Variants in PXN observed in about 807,000 individuals in gnomAD.
PXN encodes the protein testicular tissue protein Li 134.
Under a neutral mutation model 103.6 loss-of-function variants are expected in PXN, and 61 were observed. That is an observed-to-expected ratio of 0.59 (90% CI 0.48 to 0.73). The LOEUF (loss-of-function observed/expected upper bound fraction) is 0.73. PXN is among the 30% of genes least tolerant of loss of function. PXN has a pLI of 0.00. For missense variants in PXN, 1,274 were observed against 1,460.3 expected (o/e 0.87, Z 2.08); for synonymous variants, 562 against 607.8 (o/e 0.92, Z 1.11).
chr12:120,241,910 G>C (rs1890216501), intron 1 of PXN, among the ~76,000 whole-genome samples: 1 of 152,340 alleles, frequency 6.6e-6, no homozygotes, highest in Non-Finnish European at 1.5e-5. Flanking sequence ...GGAAGAGCAA[G>C]AGTTGCAATA....
At chr12:120,234,132 C>T (rs1364715513) in intron 1 of PXN, among the ~76,000 whole-genome samples, 2 of 152,096 alleles carry the variant, frequency 1.3e-5, no homozygotes, top group Non-Finnish European at 2.9e-5. Flanking sequence ...TGCATGGTGG[C>T]TTATGCTTGT....
rs1236675093 is a variant in PXN, at chr12:120,215,250, C to T, written c.2427G>A (p.Gly809=). The change falls in exon 11 of 15, where the codon GGG becomes GGA. Residue 809 remains glycine, a synonymous_variant. Transcript: ENST00000637617. This position sits in a 1 kb window ranked among gnomAD's most constrained non-coding sequence, Gnocchi z 4.9. ...GGGGCCCCCCAGGGGGTGAGCTGCTCCCTGTCTTCCCCTGGGCCATGAACT... is the reference window on the plus strand; with the variant it reads ...GGGGCCCCCCAGGGGGTGAGCTGCTTCCTGTCTTCCCCTGGGCCATGAACT... The part of the protein sequence containing the change: ...EGGFMAQGKT[G]SSSPPGGPPK... 19 of 1,586,348 alleles carry T rather than the reference C, an allele frequency of 1.2e-5. No homozygotes were observed. Among genetic ancestry groups the T allele is most frequent in the Non-Finnish European group, 1.5e-5 (17 of 1,167,442 alleles).
At chr12:120,218,523 G>A (rs1180701882) in intron 7 of PXN, among the ~76,000 whole-genome samples, 2 of 152,034 alleles carry the variant, frequency 1.3e-5, no homozygotes, top group African/African-American at 4.8e-5. Flanking sequence ...ACAGGCATGC[G>A]CCACCATGCC....
intron 1 of PXN, chr12:120,264,284 T>A (rs2136756821): frequency 6.6e-6 from 1 of 152,430 alleles, no homozygotes; most frequent in African/African-American, 2.4e-5. Context: ...TAGAGGTCCA[T>A]CAGTCCTGTC....
chr12:120,214,993 C>T lies in PXN; in HGVS notation c.2580G>A (p.Val860=), dbSNP rs1423301903. The T allele has an allele frequency of 6.2e-7, 1 of 1,613,256 alleles. No individual in the cohort carries two copies. Among genetic ancestry groups the T allele is most frequent in the South Asian group, 1.1e-5 (1 of 90,966 alleles). The change falls in exon 12 of 15, where the codon GTG becomes GTA. Residue 860 remains valine (V), a synonymous_variant. Coordinates refer to ENST00000637617, the MANE Select transcript of PXN (RefSeq NM_001385981.1). The surrounding 1 kb of genome is among the most constrained non-coding windows in gnomAD (Gnocchi z 5.0). The part of the protein sequence containing the change: ...ACKKPIAGQV[V]TAMGKTWHPE... ...GGTGCCACGTCTTCCCCATGGCGGT[C>T]ACAACCTGAGGAGGAGATGGAATGC...
In PXN at chr12:120,219,298, G is replaced by T; in HGVS notation, c.1625C>A (p.Ala542Asp). 1 of 1,598,448 alleles carries T rather than the reference G, an allele frequency of 6.3e-7. No individual in the cohort carries two copies. Among genetic ancestry groups the T allele is most frequent in the Non-Finnish European group, 8.5e-7 (1 of 1,179,802 alleles). Residue 542 changes from alanine to aspartate, a missense_variant, in exon 7 of 15, where the codon GCC becomes GAC. Ala to Asp is a moderately radical substitution (Grantham distance 126, BLOSUM62 -2). This residue lies in a region of PXN where 1,178 missense variants were observed against 1,309.0 expected (regional missense o/e 0.90). Coordinates refer to ENST00000637617, the MANE Select transcript of PXN (RefSeq NM_001385981.1). The surrounding 1 kb of genome is among the most constrained non-coding windows in gnomAD (Gnocchi z 6.5). ...PRSPEGTTEAATQDGKEQPEL... is the reference protein window; with the variant it reads ...PRSPEGTTEADTQDGKEQPEL... ...TGGCTGTTCCTTCCCGTCCTGGGTG[G>T]CAGCTTCCGTGGTGCCCTCTGGGCT... is the stretch of plus-strand genomic sequence containing the variant.
chr12:120,215,965 A>G lies in PXN; in HGVS notation c.2302-304T>C, dbSNP rs781141672. On this transcript the variant is annotated intron_variant, in intron 9 of 14. Coordinates refer to ENST00000637617, the MANE Select transcript of PXN (RefSeq NM_001385981.1). This position sits in a 1 kb window ranked among gnomAD's most constrained non-coding sequence, Gnocchi z 4.9. ...GCCTGGGGGCTGGAAGGGAGGAGACAGGTTTCTGGTCTCCCTTCTGGAGTG... is the reference window on the plus strand; with the variant it reads ...GCCTGGGGGCTGGAAGGGAGGAGACGGGTTTCTGGTCTCCCTTCTGGAGTG... 6.5e-6 allele frequency: 9 copies of G among 1,379,036 alleles called. No individual in the cohort carries two copies. The highest frequency in any genetic ancestry group is 8.4e-6 in the Non-Finnish European group (9 of 1,067,030). The allele number at this position is 1,379,036 out of a possible 1,614,324, so 85.4% of individuals were successfully genotyped here.
At chr12:120,258,586 G>T (rs1200283876) in intron 1 of PXN, among the ~76,000 whole-genome samples, 3 of 152,124 alleles carry the variant, frequency 2.0e-5, no homozygotes, top group Non-Finnish European at 4.4e-5. Flanking sequence ...GAAAAGCAGG[G>T]TTTCCTTACT....
chr12:120,245,787 C>CA (rs1267541953), intron 1 of PXN, among the ~76,000 whole-genome samples: 2,092 of 44,164 alleles, frequency 0.047, 61 homozygotes, highest in Non-Finnish European at 0.061. Context: ...GACTCCATCT[C>CA]AAAAAAAAAA....
intron 1 of PXN, chr12:120,226,559 C>G (rs2136366383): frequency 8.2e-7 from 1 of 1,213,256 alleles, no homozygotes; most frequent in Non-Finnish European, 1.1e-6. Context: ...CCACCAAACA[C>G]CCGCTCCACC....
At chr12:120,263,121 G>C (rs1051538727) in intron 1 of PXN, among the ~76,000 whole-genome samples, 1 of 152,126 alleles carries the variant, frequency 6.6e-6, no homozygotes, top group East Asian at 1.9e-4. Flanking sequence ...ACACGGCTGA[G>C]AGCACGCTCA....
At chr12:120,235,233 G>A (rs1458777303) in intron 1 of PXN, among the ~76,000 whole-genome samples, 1 of 152,134 alleles carries the variant, frequency 6.6e-6, no homozygotes, top group African/African-American at 2.4e-5. Flanking sequence ...GAGGAACCCA[G>A]GAGAGAGCAG....
Position 120,263,152 on chromosome 12 carries a change from G to A in PXN, c.13+2465C>T, listed in dbSNP as rs1339162904. ...GCTCAGGAGAAAAATAAAAACAAGA[G>A]GTCTGGGCTTTGTGTCCACCCTAAG... On this transcript the variant is annotated intron_variant, in intron 1 of 14. Coordinates refer to ENST00000637617, the MANE Select transcript of PXN (RefSeq NM_001385981.1). Among the ~76,000 whole-genome samples the A allele has an allele frequency of 5.3e-5, 8 of 151,656 alleles. 1 individual carries two copies. The highest frequency in any genetic ancestry group is 5.2e-4 in the Admixed American group (8 of 15,256).
intron 1 of PXN, among the ~76,000 whole-genome samples, chr12:120,235,229 C>G (rs1888804451): frequency 6.6e-6 from 1 of 152,048 alleles, no homozygotes; most frequent in South Asian, 2.1e-4. Context: ...CCCAGAGGAA[C>G]CCAGGAGAGA....
chr12:120,259,118 G>C (rs936748923), intron 1 of PXN, among the ~76,000 whole-genome samples: 1 of 151,382 alleles, frequency 6.6e-6, no homozygotes, highest in African/African-American at 2.4e-5. Context: ...GAGGCCAGGT[G>C]GGGTAGCTCA....
At chr12:120,254,010 G>GGCTGA (rs1892614335) in intron 1 of PXN, among the ~76,000 whole-genome samples, 1 of 152,000 alleles carries the variant, frequency 6.6e-6, no homozygotes, top group South Asian at 2.1e-4. Flanking sequence ...GCTCCCAAGT[G>GGCTGA]GCTGAGACTA....
In PXN at chr12:120,214,237, G is replaced by C; in HGVS notation, c.2749-20C>G. 1 of 1,546,570 alleles carries C rather than the reference G, an allele frequency of 6.5e-7. No individual in the cohort carries two copies. The highest frequency in any genetic ancestry group is 2.4e-5 in the East Asian group (1 of 40,882). On this transcript the variant is annotated intron_variant, in intron 12 of 14. Coordinates refer to ENST00000637617, the MANE Select transcript of PXN (RefSeq NM_001385981.1). This position sits in a 1 kb window ranked among gnomAD's most constrained non-coding sequence, Gnocchi z 5.0. ...CACTTTCTGTGAAAGCAAAATGTGGGATCAAGGCTGAGCTCTGGGCAGATC... is the reference window on the plus strand; with the variant it reads ...CACTTTCTGTGAAAGCAAAATGTGGCATCAAGGCTGAGCTCTGGGCAGATC...
chr12:120,216,944 G>A lies in PXN; in HGVS notation c.1889C>T (p.Pro630Leu), dbSNP rs944045482. ...RLGIQPEAEE[P>L]AEAAGPSAQD... The stretch of plus-strand genomic sequence containing the variant: ...GGCAGAGGGCCCCGCCGCCTCCGCC[G>A]GCTCCTCTGCCTCAGGCTGGATGCC... Residue 630 changes from proline to leucine, a missense_variant, in exon 8 of 15, where the codon CCG becomes CTG. Around this residue, in one of 2 missense-constraint regions of PXN, gnomAD observed 1,178 missense variants for 1,309.0 expected, o/e 0.90. Transcript: ENST00000637617. The surrounding 1 kb of genome is among the most constrained non-coding windows in gnomAD (Gnocchi z 5.1). The A allele has an allele frequency of 2.9e-5, 44 of 1,532,510 alleles. No individual in the cohort carries two copies. The highest frequency in any genetic ancestry group is 1.7e-4 in the Middle Eastern group (1 of 5,990). 94.9% of individuals were successfully genotyped at this position (1,532,510 alleles called of 1,614,324 possible).
At chr12:120,238,359 G>A (rs1321110238) in intron 1 of PXN, among the ~76,000 whole-genome samples, 1 of 152,180 alleles carries the variant, frequency 6.6e-6, no homozygotes, top group Non-Finnish European at 1.5e-5. Context: ...AGCCTCATGG[G>A]TAAACTGAAC....
Sources: allele counts gnomAD v4.1 joint callset (sites outside exome capture counted in the v4.1 genomes callset), GRCh38; gene constraint gnomAD v4.1.1; regional missense constraint gnomAD v4.1.1; non-coding constraint Gnocchi (gnomAD v3.1); transcripts MANE v1.5; gene names NCBI Gene and HGNC (gene_info 2026-07-23, HGNC 2026-07-21).